USH2A: variants seen among roughly 807,000 people sequenced by gnomAD.
The protein encoded by USH2A is Usher syndrome 2A (autosomal recessive, mild).
USH2A carries 443 observed loss-of-function variants against 538.9 expected under a neutral mutation model. The observed-to-expected ratio is 0.82, with a 90% CI of 0.76 to 0.89. The LOEUF (loss-of-function observed/expected upper bound fraction) is 0.89, where lower values mean the gene tolerates loss of function less well. USH2A is among the 40% of genes least tolerant of loss of function. USH2A has a pLI of 0.00. For missense variants in USH2A, 6,633 were observed against 6,324.8 expected (o/e 1.05, Z -1.65); for synonymous variants, 2,413 against 2,273.5 (o/e 1.06, Z -1.75).
intron 32 of USH2A, among the ~76,000 whole-genome samples, chr1:216,039,765 T>G (rs2030182130): frequency 6.6e-6 from 1 of 151,954 alleles, no homozygotes. Flanking sequence ...TAAATGTGTT[T>G]TTATTGTGCC....
chr1:216,123,540 T>C (rs1020076191), intron 21 of USH2A, among the ~76,000 whole-genome samples: 1 of 152,046 alleles, frequency 6.6e-6, no homozygotes, highest in African/African-American at 2.4e-5. Flanking sequence ...GTGTTTTCAC[T>C]GTTTCTGTTT....
At chr1:216,064,990 CA>C (rs900779472) in intron 30 of USH2A, among the ~76,000 whole-genome samples, 2 of 152,008 alleles carry the variant, frequency 1.3e-5, no homozygotes, top group African/African-American at 4.8e-5. Flanking sequence ...AAAATTCAAA[CA>C]AAAAAATCTC....
At chr1:215,866,207 G>T (rs1664463012) in intron 44 of USH2A, among the ~76,000 whole-genome samples, 1 of 152,084 alleles carries the variant, frequency 6.6e-6, no homozygotes, top group African/African-American at 2.4e-5. Flanking sequence ...TATTCTCATG[G>T]TAGATTCAGG....
At chr1:216,150,566 C>T (rs1380761694) in intron 21 of USH2A, among the ~76,000 whole-genome samples, 5 of 152,156 alleles carry the variant, frequency 3.3e-5, no homozygotes, top group Non-Finnish European at 7.3e-5. Context: ...TCTCCCGTCT[C>T]CCTACACCTC....
chr1:215,905,059 CG>C (rs1474717224), intron 38 of USH2A, among the ~76,000 whole-genome samples: 1 of 151,888 alleles, frequency 6.6e-6, no homozygotes, highest in Non-Finnish European at 1.5e-5. Context: ...ATAAAACAAA[CG>C]AAAAAATATA....
At chr1:215,841,898 G>A (rs921321807) in intron 46 of USH2A, among the ~76,000 whole-genome samples, 4 of 152,016 alleles carry the variant, frequency 2.6e-5, no homozygotes, top group South Asian at 2.1e-4. Context: ...GAACAGACAC[G>A]TCTCCAAAGA....
rs1466198732 is a variant in USH2A, at chr1:215,901,286, A to C, written c.7301-381T>G. The C allele has an allele frequency of 1.9e-5, 6 of 323,206 alleles. 1 individual carries two copies. In the East Asian group the frequency reaches 4.9e-4, roughly 26 times the overall value. The allele number at this position is 323,206 out of a possible 1,614,324, so 20.0% of individuals were successfully genotyped here. A position where few individuals can be genotyped will look rare whatever the true frequency, so the allele number is the denominator to read the frequency against. Reference sequence around the variant, plus strand: ...ACAATTGAACACTGAAGCAGTCCAGATCTCATATTCTTCCCCCCGATATCA... The same window carrying C: ...ACAATTGAACACTGAAGCAGTCCAGCTCTCATATTCTTCCCCCCGATATCA... On this transcript the variant is annotated intron_variant, in intron 38 of 71. Coordinates refer to ENST00000307340, the MANE Select transcript of USH2A (RefSeq NM_206933.4).
intron 52 of USH2A, among the ~76,000 whole-genome samples, chr1:215,783,427 G>T (rs1661705327): frequency 6.6e-6 from 1 of 152,046 alleles, no homozygotes; most frequent in Non-Finnish European, 1.5e-5. Flanking sequence ...GTTTATCATG[G>T]TACCATGTTA....
At chr1:216,063,325 GA>G (rs893027132) in intron 30 of USH2A, among the ~76,000 whole-genome samples, 30 of 152,198 alleles carry the variant, frequency 2.0e-4, no homozygotes, top group African/African-American at 7.2e-4. Context: ...TGTTTACTGG[GA>G]AATTCTCTGA....
intron 13 of USH2A, among the ~76,000 whole-genome samples, chr1:216,243,450 T>A (rs139405343): frequency 2.5e-3 from 378 of 152,318 alleles, no homozygotes; most frequent in African/African-American, 8.8e-3. Context: ...TCTTACTCCT[T>A]ATAATAAAAG....
chr1:215,748,736 A>G (rs1660549209), intron 58 of USH2A, among the ~76,000 whole-genome samples: 1 of 152,196 alleles, frequency 6.6e-6, no homozygotes, highest in African/African-American at 2.4e-5. Flanking sequence ...CAAATTAACT[A>G]ACCTCTATGG....
intron 58 of USH2A, among the ~76,000 whole-genome samples, chr1:215,754,432 C>T (rs1038424231): frequency 6.6e-6 from 1 of 151,946 alleles, no homozygotes; most frequent in African/African-American, 2.4e-5. Context: ...GGTAATTTTT[C>T]AGTTGCCAAG....
intron 11 of USH2A, among the ~76,000 whole-genome samples, chr1:216,271,233 C>T (rs2036567662): frequency 6.6e-6 from 1 of 152,068 alleles, no homozygotes; most frequent in South Asian, 2.1e-4. Flanking sequence ...ACTAACCCTA[C>T]CTCAGTGACA....
chr1:215,645,915 T>C (rs1009819032), intron 67 of USH2A, among the ~76,000 whole-genome samples: 6 of 151,868 alleles, frequency 4.0e-5, no homozygotes, highest in African/African-American at 1.5e-4. Flanking sequence ...TATTTATTAA[T>C]GGGAAATTAA....
chr1:215,956,121 TA>T (rs1667061902), intron 37 of USH2A, among the ~76,000 whole-genome samples: 2 of 152,124 alleles, frequency 1.3e-5, no homozygotes, highest in African/African-American at 4.8e-5. Context: ...ACCTCCTAGG[TA>T]AAATGGCTAT....
chr1:216,263,499 T>C (rs551420929), intron 11 of USH2A, among the ~76,000 whole-genome samples: 2 of 152,204 alleles, frequency 1.3e-5, no homozygotes, highest in East Asian at 3.9e-4. Context: ...AATAAAAGTA[T>C]ATCAACAGAA....
At chr1:216,230,797 C>T (rs1422610179) in intron 14 of USH2A, among the ~76,000 whole-genome samples, 1 of 151,958 alleles carries the variant, frequency 6.6e-6, no homozygotes, top group Non-Finnish European at 1.5e-5. Context: ...GAGTTCAGCA[C>T]ACACTACTAG....
chr1:215,758,129 A>G (rs936523884), intron 58 of USH2A, among the ~76,000 whole-genome samples: 2 of 151,720 alleles, frequency 1.3e-5, no homozygotes, highest in African/African-American at 4.8e-5. Context: ...ACTAAAAACA[A>G]TACAAAATTA....
chr1:216,000,433 G>T lies in USH2A; in HGVS notation c.6455C>A (p.Thr2152Asn), dbSNP rs750439592. Reference sequence around the variant, plus strand: ...GTGTATAGTTCTAGAATCCAGGACAGTCAGAACTGGGGAATCCACGTGTTC... The same window carrying T: ...GTGTATAGTTCTAGAATCCAGGACATTCAGAACTGGGGAATCCACGTGTTC... ...PPEHVDSPVL[T>N]VLDSRTIHIQ... is the part of the protein sequence containing the mutation. Residue 2152 changes from threonine to asparagine, a missense_variant, in exon 33 of 72, where the codon ACT becomes AAT. Coordinates refer to ENST00000307340, the MANE Select transcript of USH2A (RefSeq NM_206933.4). 1.6e-5 allele frequency: 26 copies of T among 1,613,680 alleles called. No individual in the cohort carries two copies. In the South Asian group the frequency reaches 2.0e-4, roughly 12 times the overall value.
Sources: allele counts gnomAD v4.1 joint callset (sites outside exome capture counted in the v4.1 genomes callset), GRCh38; gene constraint gnomAD v4.1.1; transcripts MANE v1.5; gene names NCBI Gene and HGNC (gene_info 2026-07-23, HGNC 2026-07-21).